Variants in SEZ6L observed in about 807,000 individuals in gnomAD.
SEZ6L encodes seizure related 6 homolog like.
Under a neutral mutation model 106.2 loss-of-function variants are expected in SEZ6L, and 37 were observed. That is an observed-to-expected ratio of 0.35 (90% CI 0.27 to 0.46). The LOEUF (loss-of-function observed/expected upper bound fraction) is 0.46, where lower values mean the gene tolerates loss of function less well. SEZ6L is among the 20% of genes least tolerant of loss of function. The pLI, the probability that SEZ6L is intolerant of heterozygous loss-of-function variation, is 1.00. For synonymous variants in SEZ6L, 541 were observed against 570.4 expected (o/e 0.95, Z 0.73); for missense variants, 1,172 against 1,332.8 (o/e 0.88, Z 1.88).
intron 1 of SEZ6L, among the ~76,000 whole-genome samples, chr22:26,232,419 G>A (rs1384645871): frequency 1.3e-5 from 2 of 149,392 alleles, no homozygotes; most frequent in South Asian, 4.2e-4. Flanking sequence ...TCTGGAAACA[G>A]ACAGACGTGT....
chr22:26,338,771 T>A (rs866382347), intron 9 of SEZ6L, among the ~76,000 whole-genome samples: 1 of 151,682 alleles, frequency 6.6e-6, no homozygotes, highest in East Asian at 1.9e-4. Flanking sequence ...TTGGCCAGAA[T>A]GGTTTCGATT....
At chr22:26,270,316 C>T (rs2080322386) in intron 1 of SEZ6L, among the ~76,000 whole-genome samples, 1 of 152,136 alleles carries the variant, frequency 6.6e-6, no homozygotes, top group African/African-American at 2.4e-5. Context: ...GTCACCTTTC[C>T]TCCCTGGGCC....
intron 9 of SEZ6L, among the ~76,000 whole-genome samples, chr22:26,319,477 C>T (rs181766153): frequency 3.9e-5 from 6 of 152,340 alleles, no homozygotes; most frequent in Non-Finnish European, 7.3e-5. Flanking sequence ...TCTCCAGCAT[C>T]GCTTTATTCC....
chr22:26,243,039 T>C (rs1237352943), intron 1 of SEZ6L, among the ~76,000 whole-genome samples: 1 of 152,196 alleles, frequency 6.6e-6, no homozygotes, highest in Non-Finnish European at 1.5e-5. Flanking sequence ...CAACCCTTGG[T>C]AGTCTCTGCT....
chr22:26,175,164 G>A (rs1011146158), intron 1 of SEZ6L, among the ~76,000 whole-genome samples: 2 of 152,162 alleles, frequency 1.3e-5, no homozygotes, highest in Admixed American at 1.3e-4. Flanking sequence ...CGCATGGGAT[G>A]TGTACTCAAT....
At chr22:26,229,711 T>C (rs2078740127) in intron 1 of SEZ6L, among the ~76,000 whole-genome samples, 1 of 152,102 alleles carries the variant, frequency 6.6e-6, no homozygotes, top group South Asian at 2.1e-4. Flanking sequence ...TTAGACAGGG[T>C]CCCTGGGGAT....
intron 12 of SEZ6L, among the ~76,000 whole-genome samples, chr22:26,360,106 G>T (rs977494969): frequency 6.6e-6 from 1 of 152,222 alleles, no homozygotes; most frequent in Non-Finnish European, 1.5e-5. Context: ...CAAACCAGTG[G>T]TTCTGAGCCC....
intron 5 of SEZ6L, among the ~76,000 whole-genome samples, chr22:26,302,297 T>C (rs1312330003): frequency 6.6e-6 from 1 of 152,194 alleles, no homozygotes; most frequent in African/African-American, 2.4e-5. Flanking sequence ...ACATGGCCCT[T>C]GGGTGACTCA....
At position 26,348,612 on chromosome 22, in the gene SEZ6L, A is replaced by AAAAGAAAG. The variant is rs1175520871; in HGVS notation, c.2407+727_2407+734dup. Among the ~76,000 whole-genome samples the AAAAGAAAG allele has an allele frequency of 5.7e-3, 124 of 21,774 alleles. 9 individuals are homozygous for AAAAGAAAG. The highest frequency in any genetic ancestry group is 0.012 in the South Asian group (5 of 408). The allele number at this position is 21,774 out of a possible 152,430, so 14.3% of individuals were successfully genotyped here. ...AGAAAGAAAGAAAGAAAGAAAGAGA[A>AAAAGAAAG]AAAGAAAGAAAGAAAGAAAGAAAGA... On this transcript the variant is annotated intron_variant, in intron 11 of 16. Transcript: ENST00000248933.
Position 26,299,117 on chromosome 22 carries a change from A to G in SEZ6L, c.1296A>G (p.Thr432=), listed in dbSNP as rs1351603851. 1 of 1,599,394 alleles carries G rather than the reference A, an allele frequency of 6.3e-7. No individual in the cohort carries two copies. The highest frequency in any genetic ancestry group is 8.5e-7 in the Non-Finnish European group (1 of 1,173,062). ...GYELQGAKML[T]CINASKPHWS... ...AGCTCCAGGGCGCTAAGATGCTGAC[A>G]TGCATCAATGCCTCCAAGCCGCACT... Residue 432 remains threonine (T), a synonymous_variant, in exon 5 of 17, where the codon ACA becomes ACG. Coordinates refer to ENST00000248933, the MANE Select transcript of SEZ6L (RefSeq NM_021115.5).
chr22:26,313,842 A>G lies in SEZ6L; in HGVS notation c.1955A>G (p.Glu652Gly), dbSNP rs1178392073. Reference sequence around the variant, plus strand: ...TGGCCCGAGCCCTACGTGGAAGGTGAAGATTGTATCTGGAAGATCCACGTG... The same window carrying G: ...TGGCCCGAGCCCTACGTGGAAGGTGGAGATTGTATCTGGAAGATCCACGTG... ...PNWPEPYVEG[E>G]DCIWKIHVGE... The change falls in exon 9 of 17, where the codon GAA becomes GGA. Residue 652 changes from glutamate (E) to glycine (G), a missense_variant. Physicochemically the swap from Glu to Gly is moderately conservative, Grantham distance 98. This residue lies in a region of SEZ6L where 534 missense variants were observed against 691.0 expected (regional missense o/e 0.77). Transcript: ENST00000248933. 6.2e-7 allele frequency: 1 copy of G among 1,613,104 alleles called. No homozygotes were observed. The highest frequency in any genetic ancestry group is 1.3e-5 in the African/African-American group (1 of 74,912).
chr22:26,321,200 T>C (rs946278826), intron 9 of SEZ6L, among the ~76,000 whole-genome samples: 4 of 152,224 alleles, frequency 2.6e-5, no homozygotes, highest in Non-Finnish European at 5.9e-5. Context: ...GGTTCTGTTA[T>C]TATCTCCATT....
intron 1 of SEZ6L, among the ~76,000 whole-genome samples, chr22:26,173,817 T>C (rs1019693107): frequency 6.6e-6 from 1 of 152,210 alleles, no homozygotes; most frequent in East Asian, 1.9e-4. Flanking sequence ...AATTCTCATA[T>C]GGCCAAGAGG....
intron 9 of SEZ6L, among the ~76,000 whole-genome samples, chr22:26,324,185 G>A (rs778067802): frequency 6.6e-6 from 1 of 151,938 alleles, no homozygotes; most frequent in Non-Finnish European, 1.5e-5. Context: ...AAGAAACTGA[G>A]GCTCAAAGTG....
At position 26,188,745 on chromosome 22, in the gene SEZ6L, C is replaced by T. The variant is rs189426728; in HGVS notation, c.94+18982C>T. Among the ~76,000 whole-genome samples the T allele has an allele frequency of 4.6e-5, 7 of 152,294 alleles. No individual in the cohort carries two copies. In the East Asian group the frequency reaches 1.2e-3, roughly 25 times the overall value. ...GGATGTGCAGTTAGTTCAGGTTCAA[C>T]AGAAAAGCCATAGCTCTAAGTGTTC... is the stretch of plus-strand genomic sequence containing the variant. On this transcript the variant is annotated intron_variant, in intron 1 of 16. Transcript: ENST00000248933.
In SEZ6L at chr22:26,326,651, C is replaced by T. The variant is rs971355750; in HGVS notation, c.2015+12749C>T. Among the ~76,000 whole-genome samples, 3 of 152,202 alleles carry T rather than the reference C, an allele frequency of 2.0e-5. No individual in the cohort carries two copies. In the East Asian group the frequency reaches 5.8e-4, roughly 29 times the overall value. ...GCCAGCCTCACACCCCTCATCACCC[C>T]TCAACCCTGCTTCACAGAGTAGAAT... On this transcript the variant is annotated intron_variant, in intron 9 of 16. Transcript: ENST00000248933.
chr22:26,372,054 ACCTT>A (rs2084054664), intron 13 of SEZ6L, among the ~76,000 whole-genome samples: 1 of 152,134 alleles, frequency 6.6e-6, no homozygotes, highest in African/African-American at 2.4e-5. Context: ...CACCTGTGTG[ACCTT>A]GAGTGAGCCC....
chr22:26,357,533 C>A (rs6005025), intron 12 of SEZ6L, among the ~76,000 whole-genome samples: 9,919 of 152,200 alleles, frequency 0.065, 1,126 homozygotes, highest in African/African-American at 0.23. Context: ...TCCCATGGAA[C>A]CTACAGTGAC....
At chr22:26,315,875 T>C (rs965504388) in intron 9 of SEZ6L, among the ~76,000 whole-genome samples, 7 of 151,876 alleles carry the variant, frequency 4.6e-5, no homozygotes, top group Non-Finnish European at 8.8e-5. Flanking sequence ...CTAGGCAACA[T>C]AGTGAGACCC....
Sources: allele counts gnomAD v4.1 joint callset (sites outside exome capture counted in the v4.1 genomes callset), GRCh38; gene constraint gnomAD v4.1.1; regional missense constraint gnomAD v4.1.1; transcripts MANE v1.5; gene names NCBI Gene and HGNC (gene_info 2026-07-23, HGNC 2026-07-21).